Variants in MACROD2 observed in about 807,000 individuals in gnomAD.
MACROD2 encodes the protein ADP-ribose glycohydrolase MACROD2.
In MACROD2, 36 loss-of-function variants were observed where a neutral mutation model predicts 70.4. The observed-to-expected ratio is 0.51, with a 90% confidence interval of 0.39 to 0.68. The LOEUF (loss-of-function observed/expected upper bound fraction) is 0.68, where lower values mean the gene tolerates loss of function less well. Ranked by LOEUF, MACROD2 falls within the 30% of genes least tolerant of loss-of-function variation. MACROD2 has a pLI of 0.00. For synonymous variants in MACROD2, 172 were observed against 178.8 expected, an observed-to-expected ratio of 0.96 and a Z score of 0.30; for missense variants, 496 against 538.4, an observed-to-expected ratio of 0.92 and a Z score of 0.78.
At chr20:14,867,442 G>A (rs941404654) in intron 5 of MACROD2, among the ~76,000 whole-genome samples, 7 of 152,016 alleles carry the variant, frequency 4.6e-5, no homozygotes, top group Non-Finnish European at 8.8e-5. Flanking sequence ...AGTACACTTG[G>A]AAAGTGAGTT....
chr20:15,687,734 A>G (rs956792970), intron 8 of MACROD2, among the ~76,000 whole-genome samples: 1 of 152,142 alleles, frequency 6.6e-6, no homozygotes, highest in Non-Finnish European at 1.5e-5. Context: ...CCCTGGACTC[A>G]CTGGGAATTT....
intron 4 of MACROD2, among the ~76,000 whole-genome samples, chr20:14,645,070 T>C (rs1985311489): frequency 6.6e-6 from 1 of 152,164 alleles, no homozygotes; most frequent in South Asian, 2.1e-4. Flanking sequence ...CAGTGATAAA[T>C]AGCTTTATTT....
intron 8 of MACROD2, among the ~76,000 whole-genome samples, chr20:15,665,350 G>A (rs6135477): frequency 0.38 from 57,989 of 151,930 alleles, 12,293 homozygotes; most frequent in East Asian, 0.49. Flanking sequence ...GTTGACGTGC[G>A]TGGATTCCTA....
chr20:14,127,667 G>A, intron 3 of MACROD2: 1 of 394,884 alleles, frequency 2.5e-6, no homozygotes, highest in Non-Finnish European at 4.8e-6. Flanking sequence ...ATTTCCATCT[G>A]GTATTCCACT....
chr20:14,562,512 A>G (rs1979502874), intron 4 of MACROD2, among the ~76,000 whole-genome samples: 1 of 61,212 alleles, frequency 1.6e-5, no homozygotes, highest in Non-Finnish European at 3.1e-5. Flanking sequence ...TGACAGCAAA[A>G]GGATGATTGC....
chr20:14,357,151 A>T (rs2083180105), intron 3 of MACROD2, among the ~76,000 whole-genome samples: 1 of 152,198 alleles, frequency 6.6e-6, no homozygotes, highest in Admixed American at 6.5e-5. Flanking sequence ...GGCACATTGT[A>T]AGAAGAGTAT....
chr20:14,926,753 G>A (rs1046802527), intron 5 of MACROD2, among the ~76,000 whole-genome samples: 2 of 151,970 alleles, frequency 1.3e-5, no homozygotes, highest in African/African-American at 4.8e-5. Flanking sequence ...TTCCCTTTTT[G>A]AGGAGGAAAA....
At chr20:15,561,356 C>G (rs2048241680) in intron 8 of MACROD2, among the ~76,000 whole-genome samples, 1 of 152,178 alleles carries the variant, frequency 6.6e-6, no homozygotes, top group South Asian at 2.1e-4. Flanking sequence ...ATTAGTTCAG[C>G]TTTTGGAATT....
intron 5 of MACROD2, among the ~76,000 whole-genome samples, chr20:14,961,643 G>A (rs570864748): frequency 1.3e-5 from 2 of 151,506 alleles, no homozygotes; most frequent in African/African-American, 2.4e-5. Flanking sequence ...TATCGCCCAC[G>A]GCCCCTCAAC....
intron 8 of MACROD2, among the ~76,000 whole-genome samples, chr20:15,750,601 C>A (rs2051254555): frequency 6.6e-6 from 1 of 151,750 alleles, no homozygotes; most frequent in Admixed American, 6.6e-5. Flanking sequence ...CCAGCAATCC[C>A]ATTACTTGTA....
rs2066735446 is a variant in MACROD2 at position 16,003,082 on chromosome 20, C to CACACACACACA, written c.1153+15924_1153+15925insACACACACACA. 2.1e-4 allele frequency among the ~76,000 whole-genome samples: 11 copies of CACACACACACA among 53,038 alleles called. 1 individual carries two copies. The Admixed American group carries it at 2.3e-3, about 11-fold the overall frequency. The allele number at this position is 53,038 out of a possible 152,430, so 34.8% of individuals were successfully genotyped here. A position where few individuals can be genotyped will look rare whatever the true frequency, so the allele number is the denominator to read the frequency against. Reference sequence around the variant, plus strand: ...CAAAATAGAAAACCCACCCACCCACCCACACACACACACACACACACACAC... The same window carrying CACACACACACA: ...CAAAATAGAAAACCCACCCACCCACCACACACACACACACACACACACACACACACACACAC... On this transcript the variant is annotated intron_variant, in intron 15 of 17. Coordinates refer to ENST00000684519, the MANE Select transcript of MACROD2 (RefSeq NM_001351661.2).
At chr20:14,494,913 G>A (rs1483843700) in intron 4 of MACROD2, among the ~76,000 whole-genome samples, 9 of 152,052 alleles carry the variant, frequency 5.9e-5, no homozygotes, top group Admixed American at 5.2e-4. Flanking sequence ...ATTGTCCATA[G>A]TGCTGATTTT....
At chr20:15,183,315 G>T (rs1037828989) in intron 5 of MACROD2, among the ~76,000 whole-genome samples, 8 of 151,922 alleles carry the variant, frequency 5.3e-5, no homozygotes, top group Admixed American at 5.2e-4. Flanking sequence ...CAGGAGGATC[G>T]CTTGGGGCCA....
At chr20:14,570,059 A>G (rs1044089615) in intron 4 of MACROD2, among the ~76,000 whole-genome samples, 1 of 152,098 alleles carries the variant, frequency 6.6e-6, no homozygotes, top group African/African-American at 2.4e-5. Context: ...ATGTTCATCA[A>G]CATGTGCAAG....
In MACROD2 at chr20:14,281,815, A is replaced by G. The variant is rs139249060; in HGVS notation, c.271+196087A>G. On this transcript the variant is annotated intron_variant, in intron 3 of 17. Transcript: ENST00000684519. Reference sequence around the variant, plus strand: ...CCGGGCGCGGTGATGTGTGCTTGTAATCCCAGCTACTCAGGAGGCTGAGGC... The same window carrying G: ...CCGGGCGCGGTGATGTGTGCTTGTAGTCCCAGCTACTCAGGAGGCTGAGGC... 8.8e-3 allele frequency among the ~76,000 whole-genome samples: 1,334 copies of G among 151,522 alleles called. 4 individuals are homozygous for G. Among genetic ancestry groups the G allele is most frequent in the South Asian group, 0.014 (67 of 4,786 alleles).
intron 2 of MACROD2, among the ~76,000 whole-genome samples, chr20:14,004,832 G>C (rs2052790881): frequency 1.3e-5 from 2 of 152,048 alleles, no homozygotes; most frequent in African/African-American, 4.8e-5. Context: ...TTGTCACTTA[G>C]TTTCTAATTA....
At chr20:14,470,012 T>C (rs988388758) in intron 3 of MACROD2, among the ~76,000 whole-genome samples, 15 of 152,094 alleles carry the variant, frequency 9.9e-5, no homozygotes, top group African/African-American at 3.6e-4. Context: ...AGAGGCATTC[T>C]GGTTTTTGGA....
chr20:15,418,172 TG>T (rs1421721763), intron 6 of MACROD2, among the ~76,000 whole-genome samples: 1 of 152,168 alleles, frequency 6.6e-6, no homozygotes, highest in Non-Finnish European at 1.5e-5. Flanking sequence ...CAGTCTTACT[TG>T]GTTATTATGA....
At chr20:15,020,328 G>A (rs1395053443) in intron 5 of MACROD2, among the ~76,000 whole-genome samples, 3 of 152,174 alleles carry the variant, frequency 2.0e-5, no homozygotes. Flanking sequence ...TGAGACAATA[G>A]GAGAGAGGAG....
Sources: allele counts gnomAD v4.1 joint callset (sites outside exome capture counted in the v4.1 genomes callset), GRCh38; gene constraint gnomAD v4.1.1; transcripts MANE v1.5; gene names NCBI Gene and HGNC (gene_info 2026-07-23, HGNC 2026-07-21).